Variants in TASOR observed in about 807,000 individuals in gnomAD.
The protein encoded by TASOR is protein TASOR.
TASOR carries 53 observed loss-of-function variants against 178.6 expected under a neutral mutation model. That is an observed-to-expected ratio of 0.30 (90% confidence interval 0.24 to 0.37). TASOR has a LOEUF of 0.37. Ranked by LOEUF, TASOR falls within the 10% of genes least tolerant of loss-of-function variation. The probability of loss-of-function intolerance (pLI) is 1.00; values close to 1 mark genes in which losing one functional copy is unlikely to be tolerated. For missense variants in TASOR, 1,815 were observed against 1,971.4 expected, an observed-to-expected ratio of 0.92 and a Z score of 1.50; for synonymous variants, 713 against 696.2, an observed-to-expected ratio of 1.02 and a Z score of -0.38.
intron 15 of TASOR, 123 bp from the exon 16 acceptor site, chr3:56,640,253 C>T (rs2077094726): frequency 2.5e-6 from 2 of 796,704 alleles, no homozygotes; most frequent in Non-Finnish European, 4.0e-6. Flanking sequence ...GTAAAATCAA[C>T]ATGGTAAAGT....
chr3:56,682,672 C>T lies in TASOR; in HGVS notation c.331+4G>A. 1.4e-6 allele frequency: 2 copies of T among 1,459,584 alleles called. No individual in the cohort carries two copies. Among genetic ancestry groups the T allele is most frequent in the Non-Finnish European group, 1.8e-6 (2 of 1,102,672 alleles). The allele number at this position is 1,459,584 out of a possible 1,614,324, so 90.4% of individuals were successfully genotyped here. A position where few individuals can be genotyped will look rare whatever the true frequency, so the allele number is the denominator to read the frequency against. On this transcript the variant is annotated splice_donor_region_variant and intron_variant, in intron 1 of 23. Coordinates refer to ENST00000683822, the MANE Select transcript of TASOR (RefSeq NM_001365635.2). ...AGGGGGTTGAGAAGAAGGGGAGGCACCACCTTTCTTTTCTCTGCTCTTCCT... is the reference window on the plus strand; with the variant it reads ...AGGGGGTTGAGAAGAAGGGGAGGCATCACCTTTCTTTTCTCTGCTCTTCCT...
chr3:56,650,946 T>C (rs915897326), intron 11 of TASOR, among the ~76,000 whole-genome samples: 1 of 152,216 alleles, frequency 6.6e-6, no homozygotes, highest in African/African-American at 2.4e-5. Flanking sequence ...AAATAAAAAG[T>C]TACGAAGCAC....
chr3:56,671,268 G>A (rs2030705215), intron 3 of TASOR: 1 of 172,836 alleles, frequency 5.8e-6, no homozygotes, highest in African/African-American at 2.4e-5. Context: ...GAACTCAGGA[G>A]ACAGAGGTCG....
chr3:56,648,832 G>C lies in TASOR; in HGVS notation c.1503C>G (p.Ser501Arg). The C allele has an allele frequency of 1.9e-6, 3 of 1,608,386 alleles. No homozygotes were observed. The highest frequency in any genetic ancestry group is 2.5e-6 in the Non-Finnish European group (3 of 1,176,908). ...ATTCAAAGAACTTACAAGTAACTAT[G>C]CTTCTAGGTTCTTGAAATAGAAACA... ...HALFLFQEPR[S>R]IVTSQKGSTN... Residue 501 changes from serine (S) to arginine (R), a missense_variant, in exon 13 of 24, where the codon AGC becomes AGG. Physicochemically the swap from Ser to Arg is moderately radical, Grantham distance 110. This residue lies in a region of TASOR where 504 missense variants were observed against 645.3 expected (regional missense o/e 0.78). Transcript: ENST00000683822.
At chr3:56,675,177 ATTT>A (rs111854641) in intron 1 of TASOR, among the ~76,000 whole-genome samples, 1 of 138,534 alleles carries the variant, frequency 7.2e-6, no homozygotes, top group Non-Finnish European at 1.6e-5. Flanking sequence ...ATCCCACTGA[ATTT>A]TTTTTTTTTT....
Position 56,647,041 on chromosome 3 carries a change from A to C in TASOR, c.1696T>G (p.Phe566Val), listed in dbSNP as rs1298186696. The change falls in exon 14 of 24, where the codon TTT (phenylalanine) becomes GTT (valine). Residue 566 changes from phenylalanine (F) to valine (V), a missense_variant. By Grantham distance (50) the Phe-to-Val change is conservative. Around this residue, in one of 5 missense-constraint regions of TASOR, gnomAD observed 504 missense variants for 645.3 expected, o/e 0.78. Transcript: ENST00000683822. ...ATAAACTCTCGTTTACCTGAACCAA[A>C]ACCTCGCTTAAAAAATTCACTTACA... ...KYVSEFFKRG[F>V]GSGKREFIMF... 6.2e-7 allele frequency: 1 copy of C among 1,602,754 alleles called. No homozygotes were observed. The highest frequency in any genetic ancestry group is 8.5e-7 in the Non-Finnish European group (1 of 1,177,250).
At chr3:56,653,605 G>C (rs2077405384) in intron 11 of TASOR, among the ~76,000 whole-genome samples, 1 of 152,082 alleles carries the variant, frequency 6.6e-6, no homozygotes, top group Non-Finnish European at 1.5e-5. Flanking sequence ...CCAGAATTGT[G>C]TACCCAGCAC....
At chr3:56,658,365 C>A (rs1326509118) in intron 11 of TASOR, among the ~76,000 whole-genome samples, 2 of 152,176 alleles carry the variant, frequency 1.3e-5, no homozygotes, top group Non-Finnish European at 2.9e-5. Context: ...ATATCAGTAA[C>A]CGAAAGATAT....
intron 18 of TASOR, among the ~76,000 whole-genome samples, chr3:56,631,600 T>C (rs1008156290): frequency 9.3e-5 from 14 of 150,858 alleles, no homozygotes; most frequent in Non-Finnish European, 1.6e-4. Flanking sequence ...TTTTTTTTTT[T>C]TGAGATGGAG....
chr3:56,679,054 A>G (rs1350411708), intron 1 of TASOR, among the ~76,000 whole-genome samples: 2 of 152,190 alleles, frequency 1.3e-5, no homozygotes, highest in African/African-American at 2.4e-5. Flanking sequence ...TACGAAGTAC[A>G]AATAAACAAT....
chr3:56,640,028 C>T lies in TASOR; in HGVS notation c.2722G>A (p.Val908Ile), dbSNP rs1382854839. 6.2e-7 allele frequency: 1 copy of T among 1,612,696 alleles called. No homozygotes were observed. The highest frequency in any genetic ancestry group is 8.5e-7 in the Non-Finnish European group (1 of 1,179,292). ...FRRQQSKSNN[V>I]EETEIHWKLI... ...TTCCAATGTATTTCAGTCTCTTCAA[C>T]ATTATTTGACTTAGACTGTTGTCTA... The change falls in exon 16 of 24, where the codon GTT becomes ATT. Residue 908 changes from valine (V) to isoleucine (I), a missense_variant. Around this residue, in one of 5 missense-constraint regions of TASOR, gnomAD observed 655 missense variants for 671.1 expected, o/e 0.98. Transcript: ENST00000683822.
In TASOR at chr3:56,624,577, A is replaced by C. The variant is rs773885716; in HGVS notation, c.4385T>G (p.Phe1462Cys). 6.2e-7 allele frequency: 1 copy of C among 1,614,068 alleles called. No individual in the cohort carries two copies. The highest frequency in any genetic ancestry group is 2.2e-5 in the East Asian group (1 of 44,872). The change falls in exon 23 of 24, where the codon TTC becomes TGC. Residue 1462 changes from phenylalanine (F) to cysteine (C), a missense_variant. Phe to Cys is a radical substitution (Grantham distance 205). This residue lies in a region of TASOR where 278 missense variants were observed against 257.1 expected (regional missense o/e 1.08). Transcript: ENST00000683822. ...CACAAGATTTTTAAAGTTTTGCATG[A>C]AGTCTTCAGCAGTTGCAACCACTAT... is the stretch of plus-strand genomic sequence containing the variant. ...NGIVVATAED[F>C]MQNFKNLVGY...
rs375442772 is a variant in TASOR, at chr3:56,621,528, T to G, written c.*1509A>C. 1 of 1,580,076 alleles carries G rather than the reference T, an allele frequency of 6.3e-7. No individual in the cohort carries two copies. On this transcript the variant is annotated 3_prime_UTR_variant, in exon 24 of 24. Transcript: ENST00000683822. ...CTAACAAACATATATCAATGTGATTTCAGGGCCTTCTCCAGAAGCAAAAGG... is the reference window on the plus strand; with the variant it reads ...CTAACAAACATATATCAATGTGATTGCAGGGCCTTCTCCAGAAGCAAAAGG...
chr3:56,628,032 G>A (rs944738500), intron 19 of TASOR, among the ~76,000 whole-genome samples: 2 of 152,178 alleles, frequency 1.3e-5, no homozygotes, highest in African/African-American at 4.8e-5. Flanking sequence ...AGTACAGTCA[G>A]AATTCAGACG....
In TASOR at chr3:56,646,701, T is replaced by C; in HGVS notation, c.2036A>G (p.Asp679Gly). The C allele has an allele frequency of 6.2e-7, 1 of 1,613,948 alleles. No homozygotes were observed. Reference protein sequence around the residue: ...RSSHSLDYDKDRVKELINLIQ... With the variant: ...RSSHSLDYDKGRVKELINLIQ... ...TAAATTAATCAATTCTTTGACTCTA[T>C]CCTTATCATAATCCAAAGAATGAGA... Residue 679 changes from aspartate (D) to glycine (G), a missense_variant, in exon 14 of 24, where the codon GAT (aspartate) becomes GGT (glycine). Physicochemically the swap from Asp to Gly is moderately conservative, Grantham distance 94. Coordinates refer to ENST00000683822, the MANE Select transcript of TASOR (RefSeq NM_001365635.2).
At chr3:56,681,830 A>T (rs2031818929) in intron 1 of TASOR, among the ~76,000 whole-genome samples, 1 of 152,218 alleles carries the variant, frequency 6.6e-6, no homozygotes, top group South Asian at 2.1e-4. Flanking sequence ...AAGATTTTTT[A>T]AAAGTACAAG....
chr3:56,635,370 G>A (rs1172400061), intron 17 of TASOR, among the ~76,000 whole-genome samples: 2 of 152,130 alleles, frequency 1.3e-5, no homozygotes, highest in Non-Finnish European at 2.9e-5. Flanking sequence ...AGATAATTAG[G>A]AGTACTAAAT....
At chr3:56,635,475 A>C (rs1430782239) in intron 17 of TASOR, among the ~76,000 whole-genome samples, 1 of 135,180 alleles carries the variant, frequency 7.4e-6, no homozygotes, top group Non-Finnish European at 1.6e-5. Flanking sequence ...CATGGCTAAT[A>C]TATGGGGAAG....
chr3:56,644,037 A>G (rs1350396226), intron 14 of TASOR, among the ~76,000 whole-genome samples: 2 of 152,244 alleles, frequency 1.3e-5, no homozygotes, highest in Non-Finnish European at 2.9e-5. Context: ...GTTACCAACA[A>G]AAACAGTACC....
Sources: gnomAD v4.1 joint callset for allele counts (sites outside exome capture counted in the v4.1 genomes callset) on GRCh38, gnomAD v4.1.1 for gene constraint, gnomAD v4.1.1 regional missense constraint, MANE v1.5 for transcripts, NCBI Gene and HGNC (gene_info 2026-07-23, HGNC 2026-07-21) for gene names.